EPN2: variants seen among roughly 807,000 people sequenced by gnomAD.
EPN2 encodes epsin 2, also known as epsin-2.
A neutral mutation model predicts 61.7 loss-of-function variants in EPN2; 34 were observed. The observed-to-expected ratio is 0.55, with a 90% CI of 0.42 to 0.73. The LOEUF (loss-of-function observed/expected upper bound fraction) is 0.73. EPN2 is among the 30% of genes least tolerant of loss of function. EPN2 has a pLI of 0.00. For missense variants in EPN2, 714 were observed against 839.2 expected (o/e 0.85, Z 1.84); for synonymous variants, 349 against 353.6 (o/e 0.99, Z 0.15).
At chr17:19,311,847 C>T (rs1041179573) in intron 5 of EPN2, among the ~76,000 whole-genome samples, 4 of 152,216 alleles carry the variant, frequency 2.6e-5, no homozygotes, top group Non-Finnish European at 5.9e-5. Context: ...CACAGGGGTC[C>T]AAGTCACAGG....
Position 19,316,938 on chromosome 17 carries a change from G to A in EPN2, c.1147+3659G>A, listed in dbSNP as rs577209292. On this transcript the variant is annotated intron_variant, in intron 7 of 10. Coordinates refer to ENST00000314728, the MANE Select transcript of EPN2 (RefSeq NM_014964.5). ...TGCTAGCTCCTGCATTCACTGAAGCGTGTTAGCACACCCTCTGCTTCCACA... is the reference window on the plus strand; with the variant it reads ...TGCTAGCTCCTGCATTCACTGAAGCATGTTAGCACACCCTCTGCTTCCACA... Among the ~76,000 whole-genome samples, 3 of 152,344 alleles carry A rather than the reference G, an allele frequency of 2.0e-5. No individual in the cohort carries two copies. In the East Asian group the frequency reaches 5.8e-4, roughly 29 times the overall value.
At chr17:19,311,045 T>C (rs1057398261) in intron 5 of EPN2, among the ~76,000 whole-genome samples, 1 of 152,308 alleles carries the variant, frequency 6.6e-6, no homozygotes, top group Admixed American at 6.5e-5. Context: ...CAGGGATTCC[T>C]CTCCTCTATT....
chr17:19,255,828 G>T (rs2045071041), intron 1 of EPN2, among the ~76,000 whole-genome samples: 1 of 151,810 alleles, frequency 6.6e-6, no homozygotes, highest in African/African-American at 2.4e-5. Flanking sequence ...TCATTTTGTT[G>T]CCCAGGCTGA....
At chr17:19,238,016 G>C (rs557286619) in intron 1 of EPN2, among the ~76,000 whole-genome samples, 7 of 152,108 alleles carry the variant, frequency 4.6e-5, no homozygotes, top group Non-Finnish European at 1.5e-5. Context: ...TCCGGGAATC[G>C]GGGGAGGGGT....
At position 19,313,236 on chromosome 17, in the gene EPN2, G is replaced by T. The variant is rs746805290; in HGVS notation, c.1104G>T (p.Gly368=). ...CTAACCAGACCAACCCCTGGGGCGG[G>T]CCAGCGGCTCCTGCGAGTACTTCAG... The part of the protein sequence containing the change: ...ASTNQTNPWG[G]PAAPASTSDP... Residue 368 remains glycine, a synonymous_variant, in exon 7 of 11, where the codon GGG becomes GGT. Transcript: ENST00000314728. 6.3e-7 allele frequency: 1 copy of T among 1,590,314 alleles called. No homozygotes were observed. The highest frequency in any genetic ancestry group is 1.1e-5 in the South Asian group (1 of 88,504).
At chr17:19,239,639 C>T (rs746129423) in intron 1 of EPN2, among the ~76,000 whole-genome samples, 7 of 152,166 alleles carry the variant, frequency 4.6e-5, no homozygotes, top group Admixed American at 1.3e-4. Context: ...TTCAGGACTG[C>T]GTCCCACAAG....
At chr17:19,328,962 A>C in intron 8 of EPN2, 75 bp downstream of exon 8, 1 of 1,375,496 alleles carries the variant, frequency 7.3e-7, no homozygotes, top group East Asian at 2.3e-5. Context: ...CCTGGCTCCT[A>C]GGCATCAGCC....
intron 7 of EPN2, among the ~76,000 whole-genome samples, chr17:19,321,437 G>GACA (rs1358979892): frequency 6.6e-6 from 1 of 152,190 alleles, no homozygotes; most frequent in East Asian, 1.9e-4. Flanking sequence ...TGGAGTTGGG[G>GACA]ACACTTTGCA....
At chr17:19,291,792 C>T (rs1470651932) in intron 4 of EPN2, among the ~76,000 whole-genome samples, 1 of 152,152 alleles carries the variant, frequency 6.6e-6, no homozygotes, top group Admixed American at 6.5e-5. Context: ...TTCTTGTGCG[C>T]TGTTTCATGA....
intron 4 of EPN2, among the ~76,000 whole-genome samples, chr17:19,292,750 G>C (rs991742664): frequency 2.0e-5 from 3 of 152,366 alleles, no homozygotes; most frequent in Non-Finnish European, 4.4e-5. Flanking sequence ...CAACCAGAAG[G>C]CATCTGGATC....
intron 1 of EPN2, among the ~76,000 whole-genome samples, chr17:19,274,866 A>AT (rs34889991): frequency 2.0e-5 from 3 of 151,560 alleles, no homozygotes; most frequent in South Asian, 2.1e-4. Flanking sequence ...AGCCTTGGAA[A>AT]TTTTTTTTTC....
intron 1 of EPN2, among the ~76,000 whole-genome samples, chr17:19,240,465 C>T (rs1327081423): frequency 2.6e-5 from 4 of 152,114 alleles, no homozygotes; most frequent in African/African-American, 9.7e-5. Flanking sequence ...AGGCTGATCT[C>T]GAACTCCTGA....
At chr17:19,331,806 G>GTAA (rs1941176479) in intron 9 of EPN2, 47 bp from the exon 10 acceptor site, 2 of 1,533,108 alleles carry the variant, frequency 1.3e-6, no homozygotes, top group African/African-American at 2.7e-5. Context: ...ACAGTCTTAG[G>GTAA]CTCTCCCTGC....
At chr17:19,288,349 G>A (rs992791735) in intron 4 of EPN2, among the ~76,000 whole-genome samples, 3 of 152,184 alleles carry the variant, frequency 2.0e-5, no homozygotes, top group East Asian at 3.8e-4. Context: ...AGCTTATATG[G>A]TAATGGGAAA....
At chr17:19,276,674 A>G (rs2045308524) in intron 1 of EPN2, 2 of 152,136 alleles carry the variant, frequency 1.3e-5, no homozygotes, top group South Asian at 4.1e-4. Context: ...AAATAGTTCT[A>G]GGTAATAACT....
At chr17:19,295,745 T>C (rs1198578159) in intron 4 of EPN2, among the ~76,000 whole-genome samples, 1 of 152,066 alleles carries the variant, frequency 6.6e-6, no homozygotes, top group Non-Finnish European at 1.5e-5. Context: ...AGCTTTTAAA[T>C]CTCCCAAAAT....
At chr17:19,247,072 CT>C (rs2044961203) in intron 1 of EPN2, among the ~76,000 whole-genome samples, 1 of 152,146 alleles carries the variant, frequency 6.6e-6, no homozygotes, top group Admixed American at 6.6e-5. Context: ...GCCCAGCCCC[CT>C]GTGTGCCTTT....
At chr17:19,259,718 C>A (rs1012751901) in intron 1 of EPN2, among the ~76,000 whole-genome samples, 32 of 152,122 alleles carry the variant, frequency 2.1e-4, no homozygotes, top group African/African-American at 7.5e-4. Flanking sequence ...GCCAGGCTTG[C>A]CTAGTTCCAG....
chr17:19,288,303 G>A (rs1166745387), intron 4 of EPN2, among the ~76,000 whole-genome samples: 1 of 152,240 alleles, frequency 6.6e-6, no homozygotes, highest in African/African-American at 2.4e-5. Context: ...GGGGCACCAG[G>A]CACTGAGCAC....
Sources: allele counts gnomAD v4.1 joint callset (sites outside exome capture counted in the v4.1 genomes callset), GRCh38; gene constraint gnomAD v4.1.1; transcripts MANE v1.5; gene names NCBI Gene and HGNC (gene_info 2026-07-23, HGNC 2026-07-21).